SAMSN1: variants seen among roughly 807,000 people sequenced by gnomAD.
SAMSN1 encodes the protein SAM domain-containing protein SAMSN-1.
SAMSN1 carries 31 observed loss-of-function variants against 42.0 expected under a neutral mutation model. The observed-to-expected ratio is 0.74, with a 90% CI of 0.55 to 1.00. The LOEUF (loss-of-function observed/expected upper bound fraction) is 1.00, where lower values mean the gene tolerates loss of function less well. Among genes scored for constraint, SAMSN1 ranks in the 50% least tolerant of loss-of-function variants. The pLI is 0.00. For synonymous variants in SAMSN1, 178 were observed against 151.9 expected (o/e 1.17, Z -1.26); for missense variants, 464 against 439.4 (o/e 1.06, Z -0.50).
chr21:14,493,930 A>G (rs1986802171), intron 7 of SAMSN1, among the ~76,000 whole-genome samples: 1 of 152,200 alleles, frequency 6.6e-6, no homozygotes, highest in Non-Finnish European at 1.5e-5. Flanking sequence ...TAATCCTGTG[A>G]TCAGCACTAA....
At chr21:14,610,169 C>G (rs1211757092) in intron 4 of SAMSN1, among the ~76,000 whole-genome samples, 2 of 152,100 alleles carry the variant, frequency 1.3e-5, no homozygotes, top group Admixed American at 6.5e-5. Flanking sequence ...TCTCTTATTA[C>G]CAAAAATGGA....
At chr21:14,493,107 G>T (rs1020644553) in intron 7 of SAMSN1, among the ~76,000 whole-genome samples, 8 of 152,068 alleles carry the variant, frequency 5.3e-5, no homozygotes, top group Admixed American at 1.3e-4. Flanking sequence ...GCCCTGCATC[G>T]ACTTGGGCAG....
chr21:14,598,497 T>A lies in SAMSN1; in HGVS notation c.399+3526A>T, dbSNP rs545399767. On this transcript the variant is annotated intron_variant, in intron 6 of 15. Coordinates refer to the SAMSN1 transcript ENST00000647101. Reference sequence around the variant, plus strand: ...TGATCACATTTCTAAGCAGACTGCTTTGCTTCAAGCTCTACCCATCAGCAC... The same window carrying A: ...TGATCACATTTCTAAGCAGACTGCTATGCTTCAAGCTCTACCCATCAGCAC... Among the ~76,000 whole-genome samples the A allele has an allele frequency of 1.2e-4, 18 of 152,252 alleles. No homozygotes were observed. In the East Asian group the frequency reaches 3.5e-3, roughly 29 times the overall value.
At chr21:14,631,399 A>ATTTG (rs201758648) in intron 2 of SAMSN1, among the ~76,000 whole-genome samples, 2,238 of 152,168 alleles carry the variant, frequency 0.015, 24 homozygotes, top group Non-Finnish European at 0.022. Flanking sequence ...CCAAGGTGGG[A>ATTTG]TTTGTTTGTT....
chr21:14,509,571 G>T (rs932050746), intron 5 of SAMSN1, among the ~76,000 whole-genome samples: 2 of 152,148 alleles, frequency 1.3e-5, no homozygotes, highest in Admixed American at 6.5e-5. Context: ...TACTGGAATT[G>T]CCCTGCCAAG....
At chr21:14,524,911 AAG>A (rs1454936910) in intron 1 of SAMSN1, among the ~76,000 whole-genome samples, 2 of 152,194 alleles carry the variant, frequency 1.3e-5, no homozygotes, top group Non-Finnish European at 2.9e-5. Flanking sequence ...GGATACTAAA[AAG>A]AAAAATGCAT....
intron 2 of SAMSN1, among the ~76,000 whole-genome samples, chr21:14,572,430 T>C (rs1279113870): frequency 6.6e-6 from 1 of 152,210 alleles, no homozygotes; most frequent in Non-Finnish European, 1.5e-5. Flanking sequence ...CATATGCTGC[T>C]TCTCTTTACT....
At position 14,539,712 on chromosome 21, in the gene SAMSN1, C is replaced by T. The variant is rs374796159; in HGVS notation, c.57+6493G>A. Among the ~76,000 whole-genome samples the T allele has an allele frequency of 2.4e-3, 367 of 152,152 alleles. 3 individuals carry two copies. The highest frequency in any genetic ancestry group is 0.023 in the East Asian group (117 of 5,172). On this transcript the variant is annotated intron_variant, in intron 1 of 7. Transcript: ENST00000400566. ...AGAATCAATATCGTGAAAATGGCCACACTGCCCAAGGTAATTTATAGATTC... is the reference window on the plus strand; with the variant it reads ...AGAATCAATATCGTGAAAATGGCCATACTGCCCAAGGTAATTTATAGATTC...
chr21:14,503,318 C>T (rs1204941668), intron 5 of SAMSN1, among the ~76,000 whole-genome samples: 1 of 152,100 alleles, frequency 6.6e-6, no homozygotes, highest in Non-Finnish European at 1.5e-5. Flanking sequence ...AGGGCCTTGG[C>T]TGGTGGAATC....
intron 5 of SAMSN1, among the ~76,000 whole-genome samples, chr21:14,605,832 A>AT (rs1232846520): frequency 5.3e-5 from 8 of 149,828 alleles, no homozygotes; most frequent in Non-Finnish European, 1.2e-4. Flanking sequence ...TTATTTATTT[A>AT]TTTATTTATT....
In SAMSN1 at chr21:14,518,256, C is replaced by A. The variant is rs181563668; in HGVS notation, c.130-1215G>T. Among the ~76,000 whole-genome samples the A allele has an allele frequency of 2.1e-3, 318 of 152,360 alleles. 5 individuals carry two copies. Among genetic ancestry groups the A allele is most frequent in the Admixed American group, 0.02 (303 of 15,296 alleles). On this transcript the variant is annotated intron_variant, in intron 2 of 7. Coordinates refer to ENST00000400566, the MANE Select transcript of SAMSN1 (RefSeq NM_022136.5). ...TTATTGGCCCTGATTAATTATTCCT[C>A]TAAGCAGTTAACATTACCCGATAAT...
At chr21:14,558,361 G>A (rs1030255239) in intron 2 of SAMSN1, among the ~76,000 whole-genome samples, 3 of 151,822 alleles carry the variant, frequency 2.0e-5, no homozygotes, top group South Asian at 4.2e-4. Flanking sequence ...TTGGAAACAC[G>A]CATGCTACGA....
chr21:14,565,365 A>G (rs550017696), intron 2 of SAMSN1, among the ~76,000 whole-genome samples: 2 of 151,722 alleles, frequency 1.3e-5, no homozygotes, highest in East Asian at 3.9e-4. Context: ...ATCTTCAATG[A>G]CTCATCCTCT....
chr21:14,655,237 G>C (rs1983897260), intron 1 of SAMSN1, among the ~76,000 whole-genome samples: 1 of 151,718 alleles, frequency 6.6e-6, no homozygotes, highest in Non-Finnish European at 1.5e-5. Context: ...GAGAGAATTA[G>C]AAAATGCTGA....
chr21:14,655,686 A>T (rs1479018141), intron 1 of SAMSN1, among the ~76,000 whole-genome samples: 1 of 151,848 alleles, frequency 6.6e-6, no homozygotes, highest in African/African-American at 2.4e-5. Context: ...AAATTTCCTC[A>T]TGAAGACTGA....
At chr21:14,548,415 A>G (rs1980498643), upstream of SAMSN1, among the ~76,000 whole-genome samples, 1 of 152,174 alleles carries the variant, frequency 6.6e-6, no homozygotes, top group East Asian at 1.9e-4. Context: ...ATACAGTGCT[A>G]AAGAATAGAG....
At chr21:14,580,665 A>T (rs1262543296) in intron 2 of SAMSN1, among the ~76,000 whole-genome samples, 1 of 152,244 alleles carries the variant, frequency 6.6e-6, no homozygotes, top group Non-Finnish European at 1.5e-5. Flanking sequence ...TATATTTACT[A>T]TGGCACTTTG....
At chr21:14,631,241 A>C (rs971770898) in intron 2 of SAMSN1, among the ~76,000 whole-genome samples, 1 of 152,286 alleles carries the variant, frequency 6.6e-6, no homozygotes, top group Middle Eastern at 3.4e-3. Context: ...AACACCTGCT[A>C]TTGATCATTT....
chr21:14,497,302 A>G (rs907860065), intron 7 of SAMSN1, among the ~76,000 whole-genome samples: 1 of 152,188 alleles, frequency 6.6e-6, no homozygotes, highest in Non-Finnish European at 1.5e-5. Flanking sequence ...AATTACTAGT[A>G]TTATTTTTAC....
Sources: gnomAD v4.1 joint callset for allele counts (sites outside exome capture counted in the v4.1 genomes callset) on GRCh38, gnomAD v4.1.1 for gene constraint, MANE v1.5 for transcripts, NCBI Gene and HGNC (gene_info 2026-07-23, HGNC 2026-07-21) for gene names.